The following IL1RAPL2 variants were observed in gnomAD, a reference collection of about 807,000 sequenced individuals.
The protein encoded by IL1RAPL2 is interleukin 1 receptor accessory protein like 2.
A neutral mutation model predicts 44.1 loss-of-function variants in IL1RAPL2; 3 were observed. The ratio of observed to expected loss-of-function variants is 0.07; its 90% CI spans 0.03 to 0.18. The LOEUF is 0.18. Ranked by LOEUF, IL1RAPL2 falls within the 10% of genes least tolerant of loss-of-function variation. The pLI is 1.00. For synonymous variants in IL1RAPL2, 181 were observed against 178.8 expected, an observed-to-expected ratio of 1.01 and a Z score of -0.10; for missense variants, 391 against 496.4, an observed-to-expected ratio of 0.79 and a Z score of 2.02.
At chrX:105,723,532 AT>A (rs1270148296) in intron 7 of IL1RAPL2, among the ~76,000 whole-genome samples, 1 of 110,639 alleles carries the variant, frequency 9.0e-6, no homozygotes, top group African/African-American at 3.3e-5. Context: ...ATTTTTTGGT[AT>A]TTTTTTTAAC....
At chrX:104,686,995 C>T (rs753056930) in intron 2 of IL1RAPL2, among the ~76,000 whole-genome samples, 2 of 112,017 alleles carry the variant, frequency 1.8e-5, no homozygotes, top group African/African-American at 6.5e-5. Context: ...TTGCAACAAC[C>T]GTACAATAGG....
chrX:104,934,551 A>G (rs191604523), intron 2 of IL1RAPL2, among the ~76,000 whole-genome samples: 91 of 111,640 alleles, frequency 8.2e-4, no homozygotes, highest in Admixed American at 2.1e-3. Context: ...AGACGAAGAT[A>G]TGACTCATGA....
At chrX:104,885,619 C>A (rs910293534) in intron 2 of IL1RAPL2, among the ~76,000 whole-genome samples, 5 of 111,523 alleles carry the variant, frequency 4.5e-5, no homozygotes, top group African/African-American at 6.5e-5. Flanking sequence ...CTGGCAACCT[C>A]GGTGTTCTAT....
intron 1 of IL1RAPL2, among the ~76,000 whole-genome samples, chrX:104,636,369 C>T (rs769995854): frequency 3.9e-4 from 44 of 112,306 alleles, no homozygotes; most frequent in Non-Finnish European, 6.8e-4. Flanking sequence ...CTCTTCAAAG[C>T]TGCCAGACAG....
intron 2 of IL1RAPL2, among the ~76,000 whole-genome samples, chrX:105,057,513 C>G (rs1169011466): frequency 1.8e-5 from 2 of 111,638 alleles, no homozygotes; most frequent in East Asian, 2.8e-4. Context: ...GCCTCCTTAC[C>G]TATTTCTAGG....
intron 5 of IL1RAPL2, among the ~76,000 whole-genome samples, chrX:105,336,932 C>T (rs1169839552): frequency 8.9e-6 from 1 of 111,763 alleles, no homozygotes; most frequent in African/African-American, 3.3e-5. Flanking sequence ...TATATTGAGT[C>T]TGCTTTCATA....
chrX:104,891,928 G>T (rs1446533054), intron 2 of IL1RAPL2, among the ~76,000 whole-genome samples: 1 of 111,139 alleles, frequency 9.0e-6, no homozygotes, highest in Non-Finnish European at 1.9e-5. Flanking sequence ...ATTGGCTGTG[G>T]GTTTGTCATA....
At chrX:104,760,592 T>C (rs1932410538) in intron 2 of IL1RAPL2, among the ~76,000 whole-genome samples, 1 of 112,269 alleles carries the variant, frequency 8.9e-6, no homozygotes, top group African/African-American at 3.2e-5. Context: ...TTTTGAGAAA[T>C]GTCTATTCAA....
At chrX:105,115,810 G>C (rs886643155) in intron 2 of IL1RAPL2, among the ~76,000 whole-genome samples, 3 of 112,917 alleles carry the variant, frequency 2.7e-5, no homozygotes, top group Non-Finnish European at 5.6e-5. Context: ...AGCGGCGCTC[G>C]TCCGGGAGGC....
rs191804181 is a variant in IL1RAPL2 at position 105,628,932 on chromosome X, G to C, written c.773-88435G>C. ...CACTCCAGCCTGGGCAACAGAATGA[G>C]ACTTCATCTCAAAAAAAAAAAAAAG... On this transcript the variant is annotated intron_variant, in intron 6 of 10. Coordinates refer to ENST00000372582, the MANE Select transcript of IL1RAPL2 (RefSeq NM_017416.2). Among the ~76,000 whole-genome samples, 538 of 95,435 alleles carry C rather than the reference G, an allele frequency of 5.6e-3. 8 individuals carry two copies. Among genetic ancestry groups the C allele is most frequent in the African/African-American group, 0.02 (508 of 25,754 alleles). 82.9% of individuals were successfully genotyped at this position (95,435 alleles called of 115,157 possible).
chrX:105,235,433 G>A lies in IL1RAPL2; in HGVS notation c.543+1429G>A, dbSNP rs1324009590. On this transcript the variant is annotated intron_variant, in intron 4 of 10. Transcript: ENST00000372582. ...TGTTGGAACCAAACACACATAAAAG[G>A]TGGAGCAGGTTGTTTCTATAGGATC... Among the ~76,000 whole-genome samples the A allele has an allele frequency of 3.6e-5, 4 of 111,335 alleles. 1 individual carries two copies. Among genetic ancestry groups the A allele is most frequent in the Non-Finnish European group, 7.5e-5 (4 of 53,075 alleles).
intron 1 of IL1RAPL2, chrX:104,648,126 T>G: frequency 2.6e-6 from 1 of 384,817 alleles, no homozygotes; most frequent in Non-Finnish European, 4.6e-6. Flanking sequence ...CAGGCATGCA[T>G]ACATACATAG....
At chrX:105,459,079 G>A (rs954780330) in intron 5 of IL1RAPL2, among the ~76,000 whole-genome samples, 2 of 111,860 alleles carry the variant, frequency 1.8e-5, no homozygotes, top group African/African-American at 6.5e-5. Flanking sequence ...CAAGCCTTTA[G>A]TTTGTTTCCA....
chrX:104,648,139 T>A (rs1212095399), intron 1 of IL1RAPL2: 1 of 374,446 alleles, frequency 2.7e-6, no homozygotes, highest in Non-Finnish European at 4.7e-6. Flanking sequence ...ATACATAGAT[T>A]TTTCCATTAT....
chrX:105,338,975 C>T (rs199535459), intron 5 of IL1RAPL2, among the ~76,000 whole-genome samples: 5 of 110,913 alleles, frequency 4.5e-5, no homozygotes, highest in African/African-American at 1.3e-4. Context: ...TGGCGGTGTG[C>T]GCCTGTAATC....
At chrX:104,635,314 T>A (rs4289958) in intron 1 of IL1RAPL2, among the ~76,000 whole-genome samples, 57,604 of 107,965 alleles carry the variant, frequency 0.53, 12,584 homozygotes, top group African/African-American at 0.78. Flanking sequence ...TCTGACAATT[T>A]TGTGTCTTGG....
chrX:105,170,644 T>C (rs2033415311), intron 2 of IL1RAPL2, among the ~76,000 whole-genome samples: 2 of 111,771 alleles, frequency 1.8e-5, no homozygotes, highest in Admixed American at 1.9e-4. Flanking sequence ...AGCTAAGCCA[T>C]AACAGGAGTA....
chrX:105,634,595 T>C (rs1390722771), intron 6 of IL1RAPL2, among the ~76,000 whole-genome samples: 1 of 111,455 alleles, frequency 9.0e-6, no homozygotes, highest in African/African-American at 3.3e-5. Flanking sequence ...GCAGAAATGG[T>C]TCTTGCCCTC....
chrX:104,916,529 C>A (rs1193690196), intron 2 of IL1RAPL2, among the ~76,000 whole-genome samples: 2 of 111,595 alleles, frequency 1.8e-5, no homozygotes, highest in South Asian at 7.6e-4. Flanking sequence ...GACAATTTGA[C>A]TTCCTCTTTT....
Sources: allele counts gnomAD v4.1 joint callset (sites outside exome capture counted in the v4.1 genomes callset), GRCh38; gene constraint gnomAD v4.1.1; transcripts MANE v1.5; gene names NCBI Gene and HGNC (gene_info 2026-07-23, HGNC 2026-07-21).